The following BRINP3 variants were observed in gnomAD, a reference collection of about 807,000 sequenced individuals.
BRINP3 encodes BMP/retinoic acid inducible neural specific 3.
Under a neutral mutation model 71.0 loss-of-function variants are expected in BRINP3, and 19 were observed. The observed-to-expected ratio is 0.27, with a 90% CI of 0.19 to 0.39. BRINP3 has a LOEUF of 0.39. Ranked by LOEUF, BRINP3 falls within the 10% of genes least tolerant of loss-of-function variation. The pLI is 1.00. For missense variants in BRINP3, 959 were observed against 940.8 expected (o/e 1.02, Z -0.25); for synonymous variants, 380 against 337.7 (o/e 1.13, Z -1.37).
At chr1:190,402,600 G>A (rs573320591) in intron 2 of BRINP3, among the ~76,000 whole-genome samples, 6 of 151,980 alleles carry the variant, frequency 3.9e-5, no homozygotes, top group Non-Finnish European at 5.9e-5. Context: ...CTGAACTTAG[G>A]GAATGAATAT....
chr1:190,401,762 C>A (rs1354783931), intron 2 of BRINP3, among the ~76,000 whole-genome samples: 1 of 151,742 alleles, frequency 6.6e-6, no homozygotes, highest in East Asian at 1.9e-4. Context: ...TTTATCAAAC[C>A]AAGTGAACCA....
chr1:190,312,036 A>AATAT (rs1180367434), intron 2 of BRINP3, among the ~76,000 whole-genome samples: 9,949 of 67,858 alleles, frequency 0.15, 1,020 homozygotes, highest in Non-Finnish European at 0.19. Flanking sequence ...TGAAAAGTCA[A>AATAT]ATATATATAT....
chr1:190,152,508 A>ATATG (rs1423554278), intron 7 of BRINP3, among the ~76,000 whole-genome samples: 1 of 150,142 alleles, frequency 6.7e-6, no homozygotes, highest in Non-Finnish European at 1.5e-5. Context: ...ATATATATAT[A>ATATG]TATCGCCACA....
chr1:190,427,527 C>A (rs1673791731), intron 2 of BRINP3, among the ~76,000 whole-genome samples: 1 of 151,868 alleles, frequency 6.6e-6, no homozygotes. Context: ...AGGGAAATCT[C>A]CTTTTTAAAT....
chr1:190,192,293 C>T (rs1430262507), intron 6 of BRINP3, among the ~76,000 whole-genome samples: 1 of 152,096 alleles, frequency 6.6e-6, no homozygotes. Flanking sequence ...TGTTTGATTT[C>T]AAATGATAAT....
intron 2 of BRINP3, among the ~76,000 whole-genome samples, chr1:190,422,236 T>C (rs1447600895): frequency 6.6e-6 from 1 of 151,820 alleles, no homozygotes; most frequent in Non-Finnish European, 1.5e-5. Flanking sequence ...CCTGCGTCCA[T>C]TAAATGTGAC....
chr1:190,350,668 T>C (rs906854504), intron 2 of BRINP3, among the ~76,000 whole-genome samples: 2 of 152,102 alleles, frequency 1.3e-5, no homozygotes, highest in Non-Finnish European at 2.9e-5. Context: ...ATGCCTACCT[T>C]TTCTTAATAG....
chr1:190,185,762 A>T (rs1653457281), intron 6 of BRINP3, among the ~76,000 whole-genome samples: 1 of 152,162 alleles, frequency 6.6e-6, no homozygotes, highest in Admixed American at 6.6e-5. Flanking sequence ...ATCTGCAGGC[A>T]ATAGAGTTAC....
At chr1:190,133,610 G>A (rs1386433694) in intron 7 of BRINP3, among the ~76,000 whole-genome samples, 1 of 151,952 alleles carries the variant, frequency 6.6e-6, no homozygotes. Flanking sequence ...AACAATATAG[G>A]CAGATAAGAA....
At chr1:190,289,466 T>C (rs376718156) in intron 2 of BRINP3, among the ~76,000 whole-genome samples, 5 of 152,010 alleles carry the variant, frequency 3.3e-5, no homozygotes, top group East Asian at 1.9e-4. Flanking sequence ...TGGTACTTTG[T>C]GACAAAATAA....
At chr1:190,164,121 C>G (rs761780407) in intron 6 of BRINP3, among the ~76,000 whole-genome samples, 1 of 152,008 alleles carries the variant, frequency 6.6e-6, no homozygotes, top group African/African-American at 2.4e-5. Flanking sequence ...CAGATACATA[C>G]CCCCGATTGG....
intron 6 of BRINP3, among the ~76,000 whole-genome samples, chr1:190,179,507 C>G (rs1297591632): frequency 6.6e-6 from 1 of 152,066 alleles, no homozygotes; most frequent in East Asian, 1.9e-4. Context: ...CAACCGAGGT[C>G]TTGACTTTCC....
At chr1:190,463,328 T>A (rs1354876199) in intron 1 of BRINP3, among the ~76,000 whole-genome samples, 1 of 151,696 alleles carries the variant, frequency 6.6e-6, no homozygotes, top group Admixed American at 6.6e-5. Flanking sequence ...AATCTGTTTT[T>A]TCATGTTCCC....
chr1:190,384,282 C>A (rs2102267331), intron 2 of BRINP3, among the ~76,000 whole-genome samples: 2 of 151,378 alleles, frequency 1.3e-5, no homozygotes, highest in East Asian at 3.9e-4. Flanking sequence ...ATGTTTTATA[C>A]AAAATAGGGT....
chr1:190,212,309 T>C (rs1374904505), intron 6 of BRINP3, among the ~76,000 whole-genome samples: 1 of 152,104 alleles, frequency 6.6e-6, no homozygotes, highest in Non-Finnish European at 1.5e-5. Context: ...AGAGATTAAA[T>C]GACTTTCTAA....
intron 4 of BRINP3, among the ~76,000 whole-genome samples, chr1:190,261,275 T>C (rs1219064403): frequency 1.3e-5 from 2 of 151,964 alleles, no homozygotes; most frequent in African/African-American, 2.4e-5. Context: ...TTGAATTGAG[T>C]CTCGGTAGAA....
At chr1:190,250,348 AATAAT>A (rs1237715417) in intron 4 of BRINP3, among the ~76,000 whole-genome samples, 5 of 152,030 alleles carry the variant, frequency 3.3e-5, no homozygotes, top group Non-Finnish European at 7.4e-5. Flanking sequence ...AAGACGGAGA[AATAAT>A]ATATTAAATG....
intron 6 of BRINP3, among the ~76,000 whole-genome samples, chr1:190,195,508 T>A (rs952974639): frequency 1.3e-5 from 2 of 152,024 alleles, no homozygotes; most frequent in Non-Finnish European, 2.9e-5. Flanking sequence ...TGCTAAATAA[T>A]CTTATTTTTT....
intron 2 of BRINP3, among the ~76,000 whole-genome samples, chr1:190,398,702 T>C (rs760870071): frequency 2.0e-5 from 3 of 152,012 alleles, no homozygotes; most frequent in Non-Finnish European, 4.4e-5. Flanking sequence ...AAGCATAGTG[T>C]TTTATGTTTA....
Sources: gnomAD v4.1 joint callset for allele counts (sites outside exome capture counted in the v4.1 genomes callset) on GRCh38, gnomAD v4.1.1 for gene constraint, MANE v1.5 for transcripts, NCBI Gene and HGNC (gene_info 2026-07-23, HGNC 2026-07-21) for gene names.